NYAP2: variants seen among roughly 807,000 people sequenced by gnomAD.
NYAP2 encodes neuronal tyrosine-phosphorylated phosphoinositide-3-kinase adapter 2.
In NYAP2, 23 loss-of-function variants were observed where a neutral mutation model predicts 50.4. The observed-to-expected ratio is 0.46, with a 90% confidence interval of 0.33 to 0.65. The LOEUF (loss-of-function observed/expected upper bound fraction) is 0.65, where lower values mean the gene tolerates loss of function less well. Ranked by LOEUF, NYAP2 falls within the 30% of genes least tolerant of loss-of-function variation. NYAP2 has a pLI of 0.02. For missense variants in NYAP2, 885 were observed against 861.0 expected (o/e 1.03, Z -0.35); for synonymous variants, 394 against 365.2 (o/e 1.08, Z -0.90).
the NYAP2 span, among the ~76,000 whole-genome samples, chr2:225,682,136 G>A: frequency 6.6e-6 from 1 of 152,116 alleles, no homozygotes; most frequent in African/African-American, 2.4e-5. Flanking sequence ...ACTGAGAAAA[G>A]CATTTACATT....
chr2:225,401,720 A>T (rs181299752), intron 2 of NYAP2, among the ~76,000 whole-genome samples: 1 of 151,698 alleles, frequency 6.6e-6, no homozygotes, highest in Non-Finnish European at 1.5e-5. Flanking sequence ...ACTACTCAGC[A>T]ATATTTTAAA....
chr2:225,620,254 A>T (rs181568317), intron 5 of NYAP2, among the ~76,000 whole-genome samples: 1 of 152,360 alleles, frequency 6.6e-6, no homozygotes, highest in African/African-American at 2.4e-5. Flanking sequence ...ATATATTACA[A>T]GAGTCTAATT....
the NYAP2 span, among the ~76,000 whole-genome samples, chr2:225,695,233 T>G: frequency 6.6e-6 from 1 of 151,834 alleles, no homozygotes; most frequent in Non-Finnish European, 1.5e-5. Context: ...GTGACCCTGT[T>G]GTCAAGGGAA....
At chr2:225,546,108 G>C (rs1011733361) in intron 4 of NYAP2, among the ~76,000 whole-genome samples, 1 of 152,080 alleles carries the variant, frequency 6.6e-6, no homozygotes. Context: ...GGCCACCACC[G>C]CTGGGACTGC....
rs768711487 is a variant in NYAP2, at chr2:225,582,351, C to T, written c.934C>T (p.Pro312Ser). ...CTTGGACTTCGCCAAGGCCTCAGTGCCATGCCCCCCCAAGGGGCTGCTTTG... is the reference window on the plus strand; with the variant it reads ...CTTGGACTTCGCCAAGGCCTCAGTGTCATGCCCCCCCAAGGGGCTGCTTTG... The change falls in exon 5 of 7, where the codon CCA becomes TCA. Residue 312 changes from proline (P) to serine (S), a missense_variant. Transcript: ENST00000636099. This position sits in a 1 kb window ranked among gnomAD's most constrained non-coding sequence, Gnocchi z 7.0. 8 of 1,613,382 alleles carry T rather than the reference C, an allele frequency of 5.0e-6. No homozygotes were observed. Among genetic ancestry groups the T allele is most frequent in the African/African-American group, 1.3e-5 (1 of 74,934 alleles).
intron 3 of NYAP2, among the ~76,000 whole-genome samples, chr2:225,455,275 G>A (rs186871538): frequency 2.0e-5 from 3 of 152,322 alleles, no homozygotes; most frequent in Non-Finnish European, 4.4e-5. Flanking sequence ...GTTGGTTACA[G>A]CAGCAATAGG....
rs748743499 is a variant in NYAP2, at chr2:225,609,663, C to A, written c.1619-17254C>A. On this transcript the variant is annotated intron_variant, in intron 5 of 6. Transcript: ENST00000636099. ...AACAGGATGAGAATCAGAGTGAGAACCTCCAAAGTGCGGTGCTCAGGGCAG... is the reference window on the plus strand; with the variant it reads ...AACAGGATGAGAATCAGAGTGAGAAACTCCAAAGTGCGGTGCTCAGGGCAG... 1.3e-5 allele frequency among the ~76,000 whole-genome samples: 2 copies of A among 152,206 alleles called. 1 individual carries two copies. The highest frequency in any genetic ancestry group is 4.1e-4 in the South Asian group (2 of 4,822).
chr2:225,683,121 G>A, the NYAP2 span, among the ~76,000 whole-genome samples: 8 of 152,074 alleles, frequency 5.3e-5, no homozygotes, highest in South Asian at 6.2e-4. Context: ...AAATGCTATC[G>A]TGGCTTGTGA....
chr2:225,504,408 T>C (rs1170488853), intron 3 of NYAP2, among the ~76,000 whole-genome samples: 1 of 152,130 alleles, frequency 6.6e-6, no homozygotes, highest in African/African-American at 2.4e-5. Context: ...GGGATTAGGT[T>C]TCAACACATG....
At chr2:225,434,395 A>G (rs1246679162) in intron 3 of NYAP2, among the ~76,000 whole-genome samples, 1 of 152,228 alleles carries the variant, frequency 6.6e-6, no homozygotes. Context: ...GTATTGGGGG[A>G]CAAGAACTGG....
chr2:225,637,040 T>C (rs189446052), intron 6 of NYAP2, among the ~76,000 whole-genome samples: 8 of 152,318 alleles, frequency 5.3e-5, no homozygotes, highest in Admixed American at 2.0e-4. Context: ...GTTTGTGTTT[T>C]GCTATTTTTT....
At chr2:225,528,202 A>G (rs1371615896) in intron 4 of NYAP2, among the ~76,000 whole-genome samples, 1 of 152,216 alleles carries the variant, frequency 6.6e-6, no homozygotes, top group Non-Finnish European at 1.5e-5. Context: ...CTTTCCTAGA[A>G]ACCATGCAGC....
intron 3 of NYAP2, among the ~76,000 whole-genome samples, chr2:225,469,560 T>C (rs191599461): frequency 2.0e-5 from 3 of 152,318 alleles, no homozygotes; most frequent in East Asian, 3.9e-4. Flanking sequence ...ACTATGTTTA[T>C]TGTGGCACTA....
chr2:225,667,861 A>G, the NYAP2 span, among the ~76,000 whole-genome samples: 2 of 152,052 alleles, frequency 1.3e-5, no homozygotes, highest in East Asian at 3.8e-4. Flanking sequence ...GTGTGCTTTT[A>G]AACACATACA....
intron 6 of NYAP2, among the ~76,000 whole-genome samples, chr2:225,640,522 TC>T (rs1259647589): frequency 5.9e-5 from 9 of 152,216 alleles, no homozygotes; most frequent in African/African-American, 1.9e-4. Flanking sequence ...TGCCTCTGAT[TC>T]AGTAAAACAG....
intron 6 of NYAP2, among the ~76,000 whole-genome samples, chr2:225,642,321 C>T (rs999432510): frequency 4.6e-5 from 7 of 152,070 alleles, no homozygotes; most frequent in African/African-American, 1.7e-4. Flanking sequence ...ATCAGATTGA[C>T]CCCCAATAAT....
chr2:225,621,834 C>A (rs1693109382), intron 5 of NYAP2, among the ~76,000 whole-genome samples: 1 of 151,836 alleles, frequency 6.6e-6, no homozygotes, highest in African/African-American at 2.4e-5. Context: ...TGATAACATC[C>A]TTCCAGTAGC....
At chr2:225,667,488 G>A in the NYAP2 span, among the ~76,000 whole-genome samples, 2 of 152,276 alleles carry the variant, frequency 1.3e-5, no homozygotes, top group South Asian at 4.1e-4. Flanking sequence ...AGAGCATGTG[G>A]TAATGCTCTG....
At position 225,582,916 on chromosome 2, in the gene NYAP2, G is replaced by T; in HGVS notation, c.1499G>T (p.Gly500Val). Residue 500 changes from glycine (G) to valine (V), a missense_variant, in exon 5 of 7, where the codon GGT (glycine) becomes GTT (valine). Gly to Val is a moderately radical substitution (Grantham distance 109). Transcript: ENST00000636099. This position sits in a 1 kb window ranked among gnomAD's most constrained non-coding sequence, Gnocchi z 7.0. The stretch of plus-strand genomic sequence containing the variant: ...GTGAACACCTACGGGGCAGCCCCGG[G>T]TGGCTCCCGGTCCCGGACACCCACG... 6.2e-7 allele frequency: 1 copy of T among 1,613,088 alleles called. No individual in the cohort carries two copies. Among genetic ancestry groups the T allele is most frequent in the Non-Finnish European group, 8.5e-7 (1 of 1,179,868 alleles).
Sources: gnomAD v4.1 joint callset for allele counts (sites outside exome capture counted in the v4.1 genomes callset) on GRCh38, gnomAD v4.1.1 for gene constraint, Gnocchi (gnomAD v3.1) non-coding constraint, MANE v1.5 for transcripts, NCBI Gene and HGNC (gene_info 2026-07-23, HGNC 2026-07-21) for gene names.